Variants in CFDP1 observed in about 807,000 individuals in gnomAD.
CFDP1 encodes the protein chromatin remodeling protein CFDP1.
A neutral mutation model predicts 40.1 loss-of-function variants in CFDP1; 31 were observed. The observed-to-expected ratio is 0.77, with a 90% CI of 0.58 to 1.04. CFDP1 has a LOEUF of 1.04. Among genes scored for constraint, CFDP1 ranks in the 50% least tolerant of loss-of-function variants. The pLI, the probability that CFDP1 is intolerant of heterozygous loss-of-function variation, is 0.00. For missense variants in CFDP1, 423 were observed against 343.4 expected (o/e 1.23, Z -1.83); for synonymous variants, 167 against 120.0 (o/e 1.39, Z -2.56).
At chr16:75,397,244 G>A (rs1017892940) in intron 4 of CFDP1, among the ~76,000 whole-genome samples, 1 of 151,568 alleles carries the variant, frequency 6.6e-6, no homozygotes, top group African/African-American at 2.4e-5. Context: ...GCCAGGTACA[G>A]TGGCTCATGC....
At chr16:75,327,313 A>G (rs575689305) in intron 5 of CFDP1, among the ~76,000 whole-genome samples, 2 of 152,230 alleles carry the variant, frequency 1.3e-5, no homozygotes, top group South Asian at 2.1e-4. Context: ...CCTGGAAGAC[A>G]TGGAATCCAA....
At chr16:75,417,430 G>A (rs2079219857) in intron 1 of CFDP1, among the ~76,000 whole-genome samples, 1 of 151,914 alleles carries the variant, frequency 6.6e-6, no homozygotes, top group African/African-American at 2.4e-5. Flanking sequence ...TTACCTCCAA[G>A]ATATACTCTT....
chr16:75,404,523 A>G (rs971997100), intron 4 of CFDP1, among the ~76,000 whole-genome samples: 1 of 152,070 alleles, frequency 6.6e-6, no homozygotes, highest in Non-Finnish European at 1.5e-5. Flanking sequence ...GCCCGGCCGC[A>G]AAGGTACTGT....
In CFDP1 at chr16:75,411,860, G is replaced by A. The variant is rs774545402; in HGVS notation, c.495C>T (p.Ile165=). ...EKPKETEKVK[I]TKVFDFAGEE... is the part of the protein sequence containing the mutation. ...CACCAGCAAAATCAAACACCTTGGT[G>A]ATTTTAACTTTTTCTGTTTCTTTAG... Residue 165 remains isoleucine (I), a synonymous_variant, in exon 4 of 7, where the codon ATC becomes ATT. Transcript: ENST00000283882. 1.2e-6 allele frequency: 2 copies of A among 1,611,388 alleles called. No individual in the cohort carries two copies. The highest frequency in any genetic ancestry group is 1.1e-5 in the South Asian group (1 of 90,154).
At position 75,323,418 on chromosome 16, in the gene CFDP1, G is replaced by A. The variant is rs546902081; in HGVS notation, c.651-18236C>T. Among the ~76,000 whole-genome samples the A allele has an allele frequency of 4.6e-5, 7 of 151,474 alleles. No individual in the cohort carries two copies. In the South Asian group the frequency reaches 1.5e-3, roughly 32 times the overall value. Reference sequence around the variant, plus strand: ...AATCCTTCCTGAAGGACCTGCCTGAGGCTGTTTTACTTAACTTTTTTTTTT... The same window carrying A: ...AATCCTTCCTGAAGGACCTGCCTGAAGCTGTTTTACTTAACTTTTTTTTTT... On this transcript the variant is annotated intron_variant, in intron 5 of 6. Coordinates refer to ENST00000283882, the MANE Select transcript of CFDP1 (RefSeq NM_006324.3).
intron 1 of CFDP1, among the ~76,000 whole-genome samples, chr16:75,426,123 G>C (rs1407086699): frequency 6.6e-6 from 1 of 151,314 alleles, no homozygotes; most frequent in East Asian, 1.9e-4. Context: ...GGCCGAGGTG[G>C]GCGGATCACC....
At chr16:75,364,631 T>G (rs1294721576) in intron 5 of CFDP1, among the ~76,000 whole-genome samples, 1 of 152,238 alleles carries the variant, frequency 6.6e-6, no homozygotes, top group Non-Finnish European at 1.5e-5. Context: ...TTTAAAAGAT[T>G]TGTAAAAATG....
At chr16:75,347,227 C>T (rs1280966073) in intron 5 of CFDP1, among the ~76,000 whole-genome samples, 1 of 150,816 alleles carries the variant, frequency 6.6e-6, no homozygotes, top group Admixed American at 6.6e-5. Flanking sequence ...GCTTGTAATC[C>T]CAGGTACTCA....
chr16:75,350,236 T>C (rs1370668556), intron 5 of CFDP1, among the ~76,000 whole-genome samples: 1 of 152,232 alleles, frequency 6.6e-6, no homozygotes, highest in Non-Finnish European at 1.5e-5. Context: ...ATATATGTTT[T>C]CATTTTTTGT....
At chr16:75,404,732 G>T (rs2079084381) in intron 4 of CFDP1, among the ~76,000 whole-genome samples, 1 of 151,678 alleles carries the variant, frequency 6.6e-6, no homozygotes, top group African/African-American at 2.4e-5. Context: ...AACCAATGCT[G>T]TGAAATACAG....
chr16:75,419,570 G>C (rs2079252930), intron 1 of CFDP1, among the ~76,000 whole-genome samples: 1 of 152,160 alleles, frequency 6.6e-6, no homozygotes, highest in East Asian at 1.9e-4. Flanking sequence ...CCTGAATAGC[G>C]ACTGGGTAAA....
At chr16:75,388,877 A>G (rs569139388) in intron 5 of CFDP1, among the ~76,000 whole-genome samples, 3 of 150,402 alleles carry the variant, frequency 2.0e-5, no homozygotes, top group African/African-American at 7.3e-5. Context: ...ACACTGCTAC[A>G]CTGACATCAC....
At chr16:75,433,197 G>A (rs1319300844) in intron 1 of CFDP1, 92 bp downstream of exon 1, 3 of 1,280,268 alleles carry the variant, frequency 2.3e-6, no homozygotes, top group Admixed American at 4.0e-5. Context: ...GACCACCTGG[G>A]CCACAGGGCA....
chr16:75,301,011 C>T (rs757531915), intron 6 of CFDP1, among the ~76,000 whole-genome samples: 18 of 152,116 alleles, frequency 1.2e-4, no homozygotes, highest in Non-Finnish European at 2.5e-4. Flanking sequence ...TGGGCAGGAA[C>T]ACATCAGGAA....
intron 6 of CFDP1, among the ~76,000 whole-genome samples, chr16:75,294,533 G>A (rs1374391871): frequency 6.6e-6 from 1 of 152,206 alleles, no homozygotes; most frequent in Admixed American, 6.5e-5. Context: ...ATGTGGTAAT[G>A]AAGGAAAGAA....
chr16:75,317,671 CATA>C (rs1196071910), intron 5 of CFDP1, among the ~76,000 whole-genome samples: 2 of 152,150 alleles, frequency 1.3e-5, no homozygotes, highest in Non-Finnish European at 2.9e-5. Context: ...TAACAAAGAC[CATA>C]ATGACAACTT....
intron 6 of CFDP1, among the ~76,000 whole-genome samples, chr16:75,296,323 G>A (rs1318165725): frequency 1.3e-5 from 2 of 152,016 alleles, no homozygotes; most frequent in Non-Finnish European, 1.5e-5. Context: ...CTGCAGCCTC[G>A]ACCTCTCAGG....
chr16:75,417,072 C>T (rs996248292), intron 1 of CFDP1, among the ~76,000 whole-genome samples: 4 of 151,934 alleles, frequency 2.6e-5, no homozygotes, highest in Admixed American at 6.6e-5. Context: ...GCTTGGGAGG[C>T]TAAGGGGAGG....
chr16:75,336,353 G>A (rs1456288565), intron 5 of CFDP1, among the ~76,000 whole-genome samples: 1 of 152,160 alleles, frequency 6.6e-6, no homozygotes, highest in Non-Finnish European at 1.5e-5. Flanking sequence ...GAGTGCCTGG[G>A]GAGGCCTCTC....
Sources: gnomAD v4.1 joint callset for allele counts (sites outside exome capture counted in the v4.1 genomes callset) on GRCh38, gnomAD v4.1.1 for gene constraint, MANE v1.5 for transcripts, NCBI Gene and HGNC (gene_info 2026-07-23, HGNC 2026-07-21) for gene names.